CELA1: variants seen among roughly 807,000 people sequenced by gnomAD.
CELA1 encodes chymotrypsin-like elastase family member 1.
In CELA1, 28 loss-of-function variants were observed where a neutral mutation model predicts 34.8. The ratio of observed to expected loss-of-function variants is 0.80; its 90% confidence interval spans 0.60 to 1.10. The LOEUF (loss-of-function observed/expected upper bound fraction) is 1.10, where lower values mean the gene tolerates loss of function less well. Among genes scored for constraint, CELA1 ranks in the 50% least tolerant of loss-of-function variants. CELA1 has a pLI of 0.00. For synonymous variants in CELA1, 140 were observed against 129.8 expected, an observed-to-expected ratio of 1.08 and a Z score of -0.53; for missense variants, 288 against 327.5, an observed-to-expected ratio of 0.88 and a Z score of 0.93.
At chr12:51,343,509 A>C (rs905717975) in intron 3 of CELA1, among the ~76,000 whole-genome samples, 1 of 152,246 alleles carries the variant, frequency 6.6e-6, no homozygotes, top group Non-Finnish European at 1.5e-5. Flanking sequence ...AGATAGGAGA[A>C]TGGGGGCATA....
At chr12:51,341,412 G>A (rs374005487) in intron 4 of CELA1, 32 bp from the exon 5 acceptor site, 2 of 1,613,076 alleles carry the variant, frequency 1.2e-6, no homozygotes, top group Non-Finnish European at 8.5e-7. Context: ...CTCACTCATG[G>A]GATCAGCTCT....
rs770068449 is a variant in CELA1 at position 51,329,678 on chromosome 12, A to T, written c.759+6T>A. 1.2e-6 allele frequency: 2 copies of T among 1,605,230 alleles called. No individual in the cohort carries two copies. Among genetic ancestry groups the T allele is most frequent in the Admixed American group, 1.7e-5 (1 of 58,168 alleles). On this transcript the variant is annotated splice_donor_region_variant and intron_variant, in intron 7 of 7. Coordinates refer to ENST00000293636, the MANE Select transcript of CELA1 (RefSeq NM_001971.6). ...CCATTTCAACCCATCATTTGAGAGGACTCACATTATTTATCCAGGAGATGT... is the reference window on the plus strand; with the variant it reads ...CCATTTCAACCCATCATTTGAGAGGTCTCACATTATTTATCCAGGAGATGT...
At chr12:51,335,050 A>C (rs1214515328) in intron 6 of CELA1, among the ~76,000 whole-genome samples, 1 of 152,148 alleles carries the variant, frequency 6.6e-6, no homozygotes, top group East Asian at 1.9e-4. Flanking sequence ...ATAATGTAGA[A>C]CACCTGCCAA....
intron 6 of CELA1, among the ~76,000 whole-genome samples, chr12:51,339,349 G>C (rs1243999828): frequency 6.6e-6 from 1 of 152,182 alleles, no homozygotes; most frequent in East Asian, 1.9e-4. Flanking sequence ...TCGGGAGTTC[G>C]AGATCAGCCT....
At chr12:51,329,096 C>CA (rs374394328) in intron 7 of CELA1, among the ~76,000 whole-genome samples, 17 of 151,440 alleles carry the variant, frequency 1.1e-4, no homozygotes, top group Admixed American at 2.6e-4. Context: ...ACTAAAAATA[C>CA]AAAAAAAATT....
At chr12:51,336,464 T>TA (rs1158472592) in intron 6 of CELA1, among the ~76,000 whole-genome samples, 1 of 152,086 alleles carries the variant, frequency 6.6e-6, no homozygotes, top group Non-Finnish European at 1.5e-5. Context: ...CCGTCTCTAC[T>TA]AAAAATACAA....
rs1946459129 is a variant in CELA1 at position 51,329,842 on chromosome 12, A to T, written c.610-9T>A. On this transcript the variant is annotated splice_polypyrimidine_tract_variant and intron_variant, in intron 6 of 7. Coordinates refer to ENST00000293636, the MANE Select transcript of CELA1 (RefSeq NM_001971.6). Reference sequence around the variant, plus strand: ...GGGCCCCCAGAGTCACCCTGCAGGGAGGAGAAACAGAATCCTAAAACTCCA... The same window carrying T: ...GGGCCCCCAGAGTCACCCTGCAGGGTGGAGAAACAGAATCCTAAAACTCCA... 2 of 1,592,622 alleles carry T rather than the reference A, an allele frequency of 1.3e-6. No individual in the cohort carries two copies. Among genetic ancestry groups the T allele is most frequent in the Admixed American group, 1.8e-5 (1 of 54,360 alleles).
rs760174773 is a variant in CELA1 at position 51,329,713 on chromosome 12, C to A, written c.730G>T (p.Val244Phe). The change falls in exon 7 of 8, where the codon GTC (valine) becomes TTC (phenylalanine). Residue 244 changes from valine (V) to phenylalanine (F), a missense_variant. Coordinates refer to ENST00000293636, the MANE Select transcript of CELA1 (RefSeq NM_001971.6). ...VSRKPTVFTQ[V>F]SAYISWINNV... is the part of the protein sequence containing the mutation. ...TTTATCCAGGAGATGTAAGCAGAGA[C>A]CTGGGTGAAGACTGTAGGCTTCCTG... 6.2e-6 allele frequency: 10 copies of A among 1,613,338 alleles called. No individual in the cohort carries two copies. In the South Asian group the frequency reaches 9.9e-5, roughly 16 times the overall value.
At chr12:51,329,858 T>G in intron 6 of CELA1, 25 bp from the exon 7 acceptor site, 1 of 1,577,554 alleles carries the variant, frequency 6.3e-7, no homozygotes, top group Non-Finnish European at 8.6e-7. Flanking sequence ...AACAGAATCC[T>G]AAAACTCCAG....
intron 6 of CELA1, among the ~76,000 whole-genome samples, chr12:51,335,782 G>A (rs796778802): frequency 5.5e-4 from 84 of 151,988 alleles, no homozygotes; most frequent in African/African-American, 1.8e-3. Flanking sequence ...GGTTACAGGT[G>A]CACGCCACCA....
intron 7 of CELA1, among the ~76,000 whole-genome samples, chr12:51,328,814 C>T (rs1946451443): frequency 1.3e-5 from 2 of 152,150 alleles, no homozygotes; most frequent in Non-Finnish European, 2.9e-5. Flanking sequence ...CTTGAAATGG[C>T]CGTGAGCCAA....
At position 51,339,835 on chromosome 12, in the gene CELA1, G is replaced by A. The variant is rs1418588948; in HGVS notation, c.609+25C>T. 3.8e-6 allele frequency: 6 copies of A among 1,590,432 alleles called. No individual in the cohort carries two copies. The Admixed American group carries it at 8.5e-5, about 22-fold the overall frequency. ...ATAGGCAGAGAGTGGCGGGACCTGG[G>A]GTGGGACCCCCTGCAAATGTTCACC... On this transcript the variant is annotated intron_variant, in intron 6 of 7. Coordinates refer to ENST00000293636, the MANE Select transcript of CELA1 (RefSeq NM_001971.6).
In CELA1 at chr12:51,340,986, T is replaced by C. The variant is rs1403407101; in HGVS notation, c.463+258A>G. Among the ~76,000 whole-genome samples, 5 of 152,212 alleles carry C rather than the reference T, an allele frequency of 3.3e-5. No homozygotes were observed. The South Asian group carries it at 1.0e-3, about 32-fold the overall frequency. On this transcript the variant is annotated intron_variant, in intron 5 of 7. Transcript: ENST00000293636. ...GAGCAAAACCCTGTCTCTAAATAAATAAATAAATTTTAAAAATGAGGGGCT... is the reference window on the plus strand; with the variant it reads ...GAGCAAAACCCTGTCTCTAAATAAACAAATAAATTTTAAAAATGAGGGGCT...
Position 51,339,849 on chromosome 12 carries a change from C to A in CELA1, c.609+11G>T, listed in dbSNP as rs763919338. On this transcript the variant is annotated intron_variant, in intron 6 of 7. Coordinates refer to ENST00000293636, the MANE Select transcript of CELA1 (RefSeq NM_001971.6). Reference sequence around the variant, plus strand: ...GCGGGACCTGGGGTGGGACCCCCTGCAAATGTTCACCTGGCATCCAGAGCG... The same window carrying A: ...GCGGGACCTGGGGTGGGACCCCCTGAAAATGTTCACCTGGCATCCAGAGCG... The A allele has an allele frequency of 3.7e-6, 6 of 1,600,952 alleles. No individual in the cohort carries two copies. Among genetic ancestry groups the A allele is most frequent in the Non-Finnish European group, 5.1e-6 (6 of 1,173,498 alleles).
At chr12:51,328,623 C>T (rs554715591) in intron 7 of CELA1, 29 bp from the exon 8 acceptor site, 1 of 1,610,818 alleles carries the variant, frequency 6.2e-7, no homozygotes, top group Non-Finnish European at 8.5e-7. Flanking sequence ...TGTCCACAGT[C>T]AGTAACTCCT....
chr12:51,336,643 A>C (rs1009199893), intron 6 of CELA1, among the ~76,000 whole-genome samples: 3 of 152,208 alleles, frequency 2.0e-5, no homozygotes, highest in African/African-American at 4.8e-5. Context: ...AACAAAAAAA[A>C]CACCAAATTT....
chr12:51,339,747 A>C, intron 6 of CELA1, 113 bp downstream of exon 6: 1 of 1,014,880 alleles, frequency 9.9e-7, no homozygotes, highest in Non-Finnish European at 1.4e-6. Context: ...AGAGTAGAAA[A>C]TTGAGTCTGT....
chr12:51,341,463 T>G, intron 4 of CELA1, 83 bp from the exon 5 acceptor site: 5 of 1,477,782 alleles, frequency 3.4e-6, no homozygotes, highest in Non-Finnish European at 4.6e-6. Context: ...TCTAAGCATT[T>G]GTATCCCCGT....
rs138733777 is a variant in CELA1 at position 51,345,999 on chromosome 12, C to G, written c.17-122G>C. On this transcript the variant is annotated intron_variant, in intron 1 of 7. Transcript: ENST00000293636. ...TTGTCTGCAAATTCACAGTTCCTCTCTAACGAATGAGGGGCCCAGCTGTGA... is the reference window on the plus strand; with the variant it reads ...TTGTCTGCAAATTCACAGTTCCTCTGTAACGAATGAGGGGCCCAGCTGTGA... The G allele has an allele frequency of 1.2e-3, 806 of 679,022 alleles. 8 individuals are homozygous for G. Among genetic ancestry groups the G allele is most frequent in the East Asian group, 9.9e-3 (356 of 36,046 alleles). 42.1% of individuals were successfully genotyped at this position (679,022 alleles called of 1,614,324 possible).
Sources: allele counts gnomAD v4.1 joint callset (sites outside exome capture counted in the v4.1 genomes callset), GRCh38; gene constraint gnomAD v4.1.1; transcripts MANE v1.5; gene names NCBI Gene and HGNC (gene_info 2026-07-23, HGNC 2026-07-21).